The following USP36 variants were observed in gnomAD, a reference collection of about 807,000 sequenced individuals.
The protein encoded by USP36 is ubiquitin specific peptidase 36.
A neutral mutation model predicts 111.5 loss-of-function variants in USP36; 59 were observed. The observed-to-expected ratio is 0.53, with a 90% confidence interval of 0.43 to 0.66. The LOEUF (loss-of-function observed/expected upper bound fraction) is 0.66. Ranked by LOEUF, USP36 falls within the 30% of genes least tolerant of loss-of-function variation. The probability of loss-of-function intolerance (pLI) is 0.00; values close to 1 mark genes in which losing one functional copy is unlikely to be tolerated. For synonymous variants in USP36, 628 were observed against 581.0 expected (o/e 1.08, Z -1.16); for missense variants, 1,488 against 1,468.0 (o/e 1.01, Z -0.22).
In USP36 at chr17:78,797,194, G is replaced by C. The variant is rs1401804391; in HGVS notation, c.*706C>G. 2.6e-5 allele frequency: 4 copies of C among 152,248 alleles called. No individual in the cohort carries two copies. The highest frequency in any genetic ancestry group is 4.1e-4 in the South Asian group (2 of 4,830). 9.4% of individuals were successfully genotyped at this position (152,248 alleles called of 1,614,324 possible). A position where few individuals can be genotyped will look rare whatever the true frequency, so the allele number is the denominator to read the frequency against. On this transcript the variant is annotated 3_prime_UTR_variant, in exon 21 of 21. Coordinates refer to ENST00000449938, the MANE Select transcript of USP36 (RefSeq NM_001385174.1). ...GGGAAGCTACAGCACAGTCGTCTCAGAATAAACAGCAGCCTGGAAAGCAGA... is the reference window on the plus strand; with the variant it reads ...GGGAAGCTACAGCACAGTCGTCTCACAATAAACAGCAGCCTGGAAAGCAGA...
rs1458104947 is a variant in USP36 at position 78,803,022 on chromosome 17, T to C, written c.2810+363A>G. On this transcript the variant is annotated intron_variant, in intron 16 of 20. Coordinates refer to ENST00000449938, the MANE Select transcript of USP36 (RefSeq NM_001385174.1). The surrounding 1 kb of genome is among the most constrained non-coding windows in gnomAD (Gnocchi z 4.6). ...GACGCGATCTCAGCTCACTGCAACC[T>C]CCACCTCCTGGGCTCAAACCATCCT... Among the ~76,000 whole-genome samples, 1 of 152,082 alleles carries C rather than the reference T, an allele frequency of 6.6e-6. No individual in the cohort carries two copies. The highest frequency in any genetic ancestry group is 2.4e-5 in the African/African-American group (1 of 41,400).
rs75961490 is a variant in USP36, at chr17:78,815,838, T to C, written c.1024-1286A>G. Reference sequence around the variant, plus strand: ...ATACACACATGCACACATATATACATACACACACACATATGCATGCATACA... The same window carrying C: ...ATACACACATGCACACATATATACACACACACACACATATGCATGCATACA... On this transcript the variant is annotated intron_variant, in intron 10 of 20. Transcript: ENST00000449938. 7.3e-3 allele frequency among the ~76,000 whole-genome samples: 1,010 copies of C among 137,642 alleles called. 32 individuals are homozygous for C. The East Asian group carries it at 0.11, about 15-fold the overall frequency. The allele number at this position is 137,642 out of a possible 152,430, so 90.3% of individuals were successfully genotyped here. A position where few individuals can be genotyped will look rare whatever the true frequency, so the allele number is the denominator to read the frequency against.
intron 4 of USP36, 43 bp from the exon 5 acceptor site, chr17:78,829,050 CA>C (rs1363281064): frequency 3.2e-6 from 5 of 1,575,806 alleles, no homozygotes; most frequent in Non-Finnish European, 8.7e-7. Context: ...CAAGAGCTTT[CA>C]AAGAACTCAC....
At chr17:78,793,385 A>G (rs965864063), downstream of USP36, among the ~76,000 whole-genome samples, 8 of 152,184 alleles carry the variant, frequency 5.3e-5, no homozygotes, top group Non-Finnish European at 4.4e-5. Flanking sequence ...AGGCAGGCAG[A>G]GCCCAACGAA....
At position 78,814,433 on chromosome 17, in the gene USP36, C is replaced by T. The variant is rs747819654; in HGVS notation, c.1143G>A (p.Gly381=). 5.0e-5 allele frequency: 81 copies of T among 1,614,104 alleles called. No individual in the cohort carries two copies. The highest frequency in any genetic ancestry group is 6.6e-5 in the Non-Finnish European group (78 of 1,180,004). Residue 381 remains glycine, a synonymous_variant, in exon 11 of 21, where the codon GGG becomes GGA. Coordinates refer to ENST00000449938, the MANE Select transcript of USP36 (RefSeq NM_001385174.1). Reference sequence around the variant, plus strand: ...TCACCTTCACGTAGCAGTAATAGTGCCCGGCATGGCAGCTGTAGCCCGAGT... The same window carrying T: ...TCACCTTCACGTAGCAGTAATAGTGTCCGGCATGGCAGCTGTAGCCCGAGT... ...LVHSGYSCHA[G]HYYCYVKASN...
intron 6 of USP36, chr17:78,826,774 G>A: frequency 3.3e-6 from 1 of 301,890 alleles, no homozygotes; most frequent in Non-Finnish European, 6.3e-6. Context: ...AGATCCTAAA[G>A]TTATAAACCT....
chr17:78,835,684 C>T (rs545832928), intron 3 of USP36, among the ~76,000 whole-genome samples, 183 bp from the exon 4 acceptor site: 3 of 152,230 alleles, frequency 2.0e-5, no homozygotes, highest in Non-Finnish European at 4.4e-5. Context: ...ACCCAGCCAT[C>T]CCACGGACCT....
intron 13 of USP36, among the ~76,000 whole-genome samples, chr17:78,808,340 T>C (rs530623697): frequency 2.8e-4 from 43 of 152,224 alleles, no homozygotes; most frequent in African/African-American, 1.0e-3. Context: ...AGCCTCAACC[T>C]TCTGGGCTCA....
chr17:78,803,954 T>G lies in USP36; in HGVS notation c.2241A>C (p.Ser747=). The G allele has an allele frequency of 6.2e-7, 1 of 1,600,138 alleles. No homozygotes were observed. The highest frequency in any genetic ancestry group is 8.5e-7 in the Non-Finnish European group (1 of 1,176,640). The change falls in exon 16 of 21, where the codon TCA becomes TCC. Residue 747 remains serine (S), a synonymous_variant. Coordinates refer to ENST00000449938, the MANE Select transcript of USP36 (RefSeq NM_001385174.1). This position sits in a 1 kb window ranked among gnomAD's most constrained non-coding sequence, Gnocchi z 4.6. ...TGAAGGGGGGTTGCAGGCGGCTGGATGATTGGGGAGCAGGTGACACAGCCC... is the reference window on the plus strand; with the variant it reads ...TGAAGGGGGGTTGCAGGCGGCTGGAGGATTGGGGAGCAGGTGACACAGCCC... ...RARAVSPAPQ[S]SSRLQPPFSP...
intron 13 of USP36, among the ~76,000 whole-genome samples, chr17:78,811,129 T>TC (rs1468868497): frequency 3.1e-4 from 18 of 58,398 alleles, no homozygotes; most frequent in Non-Finnish European, 4.1e-4. Flanking sequence ...AGACTCTGTC[T>TC]CAAAAAAAAA....
At position 78,798,539 on chromosome 17, in the gene USP36, T is replaced by A. The variant is rs2093668131; in HGVS notation, c.3253A>T (p.Lys1085Ter). 2.5e-6 allele frequency: 4 copies of A among 1,613,720 alleles called. No individual in the cohort carries two copies. Among genetic ancestry groups the A allele is most frequent in the African/African-American group, 1.3e-5 (1 of 74,888 alleles). The part of the protein sequence containing the change: ...EFDRGKEKKI[K>*]KFKREKRRNF... ...CTCCTCTTCTCTCTCTTAAATTTTT[T>A]AATTTTCTTTTCCTAGACCAAGAAT... Residue 1085 changes from lysine (K) to a stop codon, truncating the protein, a stop_gained, in exon 20 of 21, where the codon AAA becomes TAA. Coordinates refer to ENST00000449938, the MANE Select transcript of USP36 (RefSeq NM_001385174.1). LOFTEE classifies it high-confidence loss of function. The surrounding 1 kb of genome is among the most constrained non-coding windows in gnomAD (Gnocchi z 5.1).
At chr17:78,802,240 T>C (rs1262878077) in intron 17 of USP36, 84 bp downstream of exon 17, 1 of 619,354 alleles carries the variant, frequency 1.6e-6, no homozygotes, top group Admixed American at 5.0e-5. Context: ...CCCCAACCCC[T>C]CGCCCGGTGC....
chr17:78,793,782 G>C (rs2093602122), downstream of USP36, among the ~76,000 whole-genome samples: 1 of 152,176 alleles, frequency 6.6e-6, no homozygotes, highest in African/African-American at 2.4e-5. Flanking sequence ...CTAACAGTAT[G>C]TTAGGGATAA....
At chr17:78,787,536 G>A (rs1290937170) in exon 4 of USP36, 1 of 152,126 alleles carries the variant, frequency 6.6e-6, no homozygotes, top group Non-Finnish European at 1.5e-5. Flanking sequence ...ATATTCAGTC[G>A]CTGAACAAAT....
At position 78,798,546 on chromosome 17, in the gene USP36, C is replaced by A. The variant is rs201928819; in HGVS notation, c.3246G>T (p.Lys1082Asn). 33 of 1,613,166 alleles carry A rather than the reference C, an allele frequency of 2.0e-5. No individual in the cohort carries two copies. The East Asian group carries it at 6.7e-4, about 33-fold the overall frequency. ...TCTCTCTCTTAAATTTTTTAATTTT[C>A]TTTTCCTAGACCAAGAATCACAGGC... The part of the protein sequence containing the change: ...WDEEFDRGKE[K>N]KIKKFKREKR... Residue 1082 changes from lysine to asparagine, a missense_variant, in exon 20 of 21, where the codon AAG becomes AAT. Transcript: ENST00000449938. The surrounding 1 kb of genome is among the most constrained non-coding windows in gnomAD (Gnocchi z 5.1).
intron 15 of USP36, among the ~76,000 whole-genome samples, chr17:78,804,730 C>A (rs2145062709): frequency 6.7e-6 from 1 of 148,460 alleles, no homozygotes; most frequent in East Asian, 2.0e-4. Context: ...AAGAATTGTT[C>A]CATGCCTTAG....
chr17:78,834,287 G>A (rs2068438561), intron 4 of USP36, among the ~76,000 whole-genome samples: 1 of 150,870 alleles, frequency 6.6e-6, no homozygotes, highest in Non-Finnish European at 1.5e-5. Context: ...TCTGCTTGGG[G>A]TTTTTTATGG....
chr17:78,793,014 C>T (rs1234932745), downstream of USP36, among the ~76,000 whole-genome samples: 1 of 151,932 alleles, frequency 6.6e-6, no homozygotes, highest in Non-Finnish European at 1.5e-5. Context: ...CCGCGCCCGC[C>T]CCCCTCACCC....
rs756334749 is a variant in USP36, at chr17:78,818,748, G to A, written c.942C>T (p.Arg314=). Residue 314 remains arginine, a synonymous_variant, in exon 10 of 21, where the codon CGC becomes CGT. Coordinates refer to ENST00000449938, the MANE Select transcript of USP36 (RefSeq NM_001385174.1). The part of the protein sequence containing the change: ...KCKKKVPASK[R]FTIHRTSNVL... ...CGTTGGATGTTCTGTGGATGGTGAAGCGCTTGCTGGCTGGAACCTTCTTCT... is the reference window on the plus strand; with the variant it reads ...CGTTGGATGTTCTGTGGATGGTGAAACGCTTGCTGGCTGGAACCTTCTTCT... The A allele has an allele frequency of 6.8e-6, 11 of 1,614,082 alleles. No individual in the cohort carries two copies. Among genetic ancestry groups the A allele is most frequent in the Non-Finnish European group, 9.3e-6 (11 of 1,179,938 alleles).
Sources: allele counts gnomAD v4.1 joint callset (sites outside exome capture counted in the v4.1 genomes callset), GRCh38; gene constraint gnomAD v4.1.1; non-coding constraint Gnocchi (gnomAD v3.1); transcripts MANE v1.5; gene names NCBI Gene and HGNC (gene_info 2026-07-23, HGNC 2026-07-21).